The following BRD10 variants were observed in gnomAD, a reference collection of about 807,000 sequenced individuals.
BRD10 encodes the protein bromodomain containing 10, also known as uncharacterized bromodomain-containing protein 10.
the BRD10 span, among the ~76,000 whole-genome samples, chr9:5,905,680 C>T: frequency 1.3e-5 from 2 of 152,198 alleles, no homozygotes; most frequent in African/African-American, 4.8e-5. Flanking sequence ...TACCTAAAAC[C>T]CACCTGTGAC....
chr9:5,898,711 T>C, the BRD10 span, among the ~76,000 whole-genome samples: 7 of 152,192 alleles, frequency 4.6e-5, no homozygotes, highest in African/African-American at 1.7e-4. Flanking sequence ...CTGGTTCTGT[T>C]ACTCCACTTT....
the BRD10 span, among the ~76,000 whole-genome samples, chr9:5,930,407 T>C: frequency 1.5e-5 from 2 of 130,182 alleles, no homozygotes; most frequent in Non-Finnish European, 3.2e-5. Flanking sequence ...CCTTCAAATT[T>C]GTCATGAAAA....
chr9:5,919,974 T>C, the BRD10 span: 5 of 1,613,966 alleles, frequency 3.1e-6, no homozygotes, highest in Non-Finnish European at 4.2e-6. Flanking sequence ...GCTGGAGACT[T>C]AATTACTGAA....
the BRD10 span, chr9:5,919,575 C>G: frequency 1.1e-6 from 1 of 940,816 alleles, no homozygotes; most frequent in Non-Finnish European, 1.6e-6. Context: ...CACACACACA[C>G]ACACACACAA....
the BRD10 span, among the ~76,000 whole-genome samples, chr9:5,925,943 C>T: frequency 6.6e-6 from 1 of 151,978 alleles, no homozygotes; most frequent in Non-Finnish European, 1.5e-5. Context: ...TTTCCTCCTT[C>T]GTCTTGCTCT....
At chr9:5,988,837 C>T in the BRD10 span, among the ~76,000 whole-genome samples, 1 of 151,772 alleles carries the variant, frequency 6.6e-6, no homozygotes, top group Non-Finnish European at 1.5e-5. Flanking sequence ...TTATTGTTTG[C>T]AATGTATTTC....
chr9:5,982,598 G>A, the BRD10 span, among the ~76,000 whole-genome samples: 1 of 152,214 alleles, frequency 6.6e-6, no homozygotes, highest in Non-Finnish European at 1.5e-5. Context: ...GGACTCTGCA[G>A]AGAGTTGCCA....
the BRD10 span, among the ~76,000 whole-genome samples, chr9:5,886,495 T>C: frequency 4.6e-5 from 7 of 152,246 alleles, no homozygotes; most frequent in African/African-American, 1.7e-4. Flanking sequence ...GCTGCTATTA[T>C]CCCTTTCATT....
At chr9:5,988,541 A>T in the BRD10 span, 1 of 1,612,044 alleles carries the variant, frequency 6.2e-7, no homozygotes, top group South Asian at 1.1e-5. Flanking sequence ...TTTTCTCTCA[A>T]GTGCCTTGGA....
At chr9:5,979,704 GATTTT>G in the BRD10 span, among the ~76,000 whole-genome samples, 1 of 151,958 alleles carries the variant, frequency 6.6e-6, no homozygotes, top group African/African-American at 2.4e-5. Context: ...AATTTTCATT[GATTTT>G]ATTTTATCTT....
the BRD10 span, among the ~76,000 whole-genome samples, chr9:5,930,707 C>A: frequency 6.6e-6 from 1 of 152,018 alleles, no homozygotes; most frequent in Non-Finnish European, 1.5e-5. Flanking sequence ...ATTTTTATTT[C>A]ATATATTAAT....
At chr9:5,920,026 A>G in the BRD10 span, 1 of 1,614,040 alleles carries the variant, frequency 6.2e-7, no homozygotes, top group Non-Finnish European at 8.5e-7. Flanking sequence ...CAGGAACCTT[A>G]GCAGTTGTGT....
At chr9:5,893,544 T>C in the BRD10 span, among the ~76,000 whole-genome samples, 4 of 152,114 alleles carry the variant, frequency 2.6e-5, no homozygotes, top group Non-Finnish European at 5.9e-5. Context: ...CCCTGGCCAA[T>C]TGGAGATGAG....
chr9:5,906,070 T>C, the BRD10 span, among the ~76,000 whole-genome samples: 2 of 151,770 alleles, frequency 1.3e-5, no homozygotes, highest in Non-Finnish European at 2.9e-5. Context: ...AAGACAAATA[T>C]GTTGGGTGCA....
At chr9:5,985,492 T>G in the BRD10 span, among the ~76,000 whole-genome samples, 10 of 152,072 alleles carry the variant, frequency 6.6e-5, no homozygotes, top group African/African-American at 2.4e-4. Flanking sequence ...CCAGAATACA[T>G]AAAGAATTCT....
the BRD10 span, among the ~76,000 whole-genome samples, chr9:5,914,806 G>T: frequency 6.6e-6 from 1 of 151,944 alleles, no homozygotes; most frequent in Admixed American, 6.6e-5. Flanking sequence ...TTTAAGTACT[G>T]TATTTAGGCT....
chr9:5,906,327 C>T, the BRD10 span, among the ~76,000 whole-genome samples: 1 of 87,360 alleles, frequency 1.1e-5, no homozygotes, highest in Non-Finnish European at 2.8e-5. Context: ...GAGACTCTGT[C>T]TCAAAAAAAA....
At chr9:5,990,937 G>A in the BRD10 span, among the ~76,000 whole-genome samples, 1 of 152,120 alleles carries the variant, frequency 6.6e-6, no homozygotes. Context: ...AATATTGCCT[G>A]TTATTTTTTA....
the BRD10 span, among the ~76,000 whole-genome samples, chr9:5,993,078 G>C: frequency 6.6e-6 from 1 of 152,048 alleles, no homozygotes; most frequent in Non-Finnish European, 1.5e-5. Flanking sequence ...CACTTTGGGA[G>C]GCCAAGGCGG....
Sources: gnomAD v4.1 joint callset for allele counts (sites outside exome capture counted in the v4.1 genomes callset) on GRCh38, gnomAD v4.1.1 for gene constraint, MANE v1.5 for transcripts, NCBI Gene and HGNC (gene_info 2026-07-23, HGNC 2026-07-21) for gene names.